IYD: variants seen among roughly 807,000 people sequenced by gnomAD.
IYD encodes the protein iodotyrosine deiodinase 1.
In IYD, 25 loss-of-function variants were observed where a neutral mutation model predicts 28.4. The ratio of observed to expected loss-of-function variants is 0.88; its 90% CI spans 0.64 to 1.23. IYD has a LOEUF of 1.23. Ranked by LOEUF, IYD falls within the 50% of genes most tolerant of loss-of-function variation. IYD has a pLI of 0.00. For synonymous variants in IYD, 140 were observed against 130.8 expected, an observed-to-expected ratio of 1.07 and a Z score of -0.48; for missense variants, 352 against 357.9, an observed-to-expected ratio of 0.98 and a Z score of 0.13.
chr6:150,386,304 A>G (rs1777859599), intron 1 of IYD, among the ~76,000 whole-genome samples: 1 of 152,012 alleles, frequency 6.6e-6, no homozygotes. Flanking sequence ...ATTTTTCAAT[A>G]TGTAATAATT....
chr6:150,369,109 C>T lies in IYD; in HGVS notation c.78C>T (p.Ser26=). 3 of 1,613,550 alleles carry T rather than the reference C, an allele frequency of 1.9e-6. No homozygotes were observed. Among genetic ancestry groups the T allele is most frequent in the Middle Eastern group, 1.6e-4 (1 of 6,062 alleles). The change falls in exon 1 of 5, where the codon AGC becomes AGT. Residue 26 remains serine (S), a synonymous_variant. Coordinates refer to ENST00000344419, the MANE Select transcript of IYD (RefSeq NM_203395.3). The stretch of plus-strand genomic sequence containing the variant: ...GGATCTTTAAAAATGCCGACAGAAG[C>T]ATGGAGAAAAAGAAGGGGGAGCCTA... ...VVWIFKNADR[S]MEKKKGEPRT... is the part of the protein sequence containing the mutation.
intron 2 of IYD, among the ~76,000 whole-genome samples, chr6:150,392,048 T>G (rs1255041662): frequency 2.0e-5 from 3 of 151,618 alleles, no homozygotes; most frequent in African/African-American, 7.3e-5. Context: ...AAAAAAAAAG[T>G]TTTTTTAAGA....
At position 150,403,495 on chromosome 6, in the gene IYD, G is replaced by A. The variant is rs1409742015; in HGVS notation, c.*5258G>A. On this transcript the variant is annotated 3_prime_UTR_variant, in exon 5 of 5. Transcript: ENST00000344419. ...GGGTGAATAGCAGAGAACTGGAGGT[G>A]GGAATGGTAAGGAACTCCCAGCAGG... The A allele has an allele frequency of 6.6e-6, 1 of 152,218 alleles. No homozygotes were observed. The allele number at this position is 152,218 out of a possible 1,614,324, so 9.4% of individuals were successfully genotyped here. A position where few individuals can be genotyped will look rare whatever the true frequency, so the allele number is the denominator to read the frequency against.
rs1433441283 is a variant in IYD, at chr6:150,401,867, A to G, written c.*3630A>G. Reference sequence around the variant, plus strand: ...TCTACTTTGCCAAGAGGGAATTTTTAACTCAAAGTTGTGTCAGCCAGCACG... The same window carrying G: ...TCTACTTTGCCAAGAGGGAATTTTTGACTCAAAGTTGTGTCAGCCAGCACG... On this transcript the variant is annotated 3_prime_UTR_variant, in exon 5 of 5. Transcript: ENST00000344419. The G allele has an allele frequency of 6.6e-6, 1 of 152,230 alleles. No individual in the cohort carries two copies. Among genetic ancestry groups the G allele is most frequent in the African/African-American group, 2.4e-5 (1 of 41,472 alleles). 9.4% of individuals were successfully genotyped at this position (152,230 alleles called of 1,614,324 possible).
rs369183464 is a variant in IYD, at chr6:150,373,493, C to A, written c.178+4284C>A. Among the ~76,000 whole-genome samples, 5 of 152,194 alleles carry A rather than the reference C, an allele frequency of 3.3e-5. No homozygotes were observed. The East Asian group carries it at 9.6e-4, about 29-fold the overall frequency. On this transcript the variant is annotated intron_variant, in intron 1 of 4. Coordinates refer to ENST00000344419, the MANE Select transcript of IYD (RefSeq NM_203395.3). ...TACAAATGATGTGTGCCACTTGCAG[C>A]TCTGAAAGTCCACCAGTGCCTGAAC...
chr6:150,389,485 G>A lies in IYD; in HGVS notation c.312G>A (p.Arg104=), dbSNP rs1380120058. Residue 104 remains arginine (R), a synonymous_variant, in exon 2 of 5, where the codon AGG becomes AGA. Coordinates refer to ENST00000344419, the MANE Select transcript of IYD (RefSeq NM_203395.3). ...TTCTCAATAAGAGACGGTCAGTCAGGTTCATAAGTAATGAGCAAGTCCCAA... is the reference window on the plus strand; with the variant it reads ...TTCTCAATAAGAGACGGTCAGTCAGATTCATAAGTAATGAGCAAGTCCCAA... ...YELLNKRRSV[R]FISNEQVPME... 1.2e-6 allele frequency: 2 copies of A among 1,614,076 alleles called. No homozygotes were observed. The highest frequency in any genetic ancestry group is 1.6e-4 in the Middle Eastern group (1 of 6,062).
intron 1 of IYD, among the ~76,000 whole-genome samples, chr6:150,382,146 T>C (rs1345929171): frequency 6.6e-6 from 1 of 152,070 alleles, no homozygotes; most frequent in Non-Finnish European, 1.5e-5. Flanking sequence ...ATCCCACCCC[T>C]CCCAGGATGG....
chr6:150,373,402 A>G (rs566627663), intron 1 of IYD, among the ~76,000 whole-genome samples: 1 of 152,280 alleles, frequency 6.6e-6, no homozygotes, highest in South Asian at 2.1e-4. Context: ...CCAGCCAACC[A>G]GGGGTGCACT....
At position 150,375,519 on chromosome 6, in the gene IYD, T is replaced by C. The variant is rs139387062; in HGVS notation, c.178+6310T>C. The stretch of plus-strand genomic sequence containing the variant: ...CTATCTCAAACAAAAGCCTTGTGAC[T>C]CTCATGTCAGAAATTCTATGCATAG... On this transcript the variant is annotated intron_variant, in intron 1 of 4. Coordinates refer to ENST00000344419, the MANE Select transcript of IYD (RefSeq NM_203395.3). Among the ~76,000 whole-genome samples the C allele has an allele frequency of 1.4e-3, 212 of 152,308 alleles. 1 individual carries two copies. Among genetic ancestry groups the C allele is most frequent in the African/African-American group, 4.8e-3 (200 of 41,562 alleles).
chr6:150,383,111 G>T (rs1777712004), intron 1 of IYD, among the ~76,000 whole-genome samples: 1 of 152,194 alleles, frequency 6.6e-6, no homozygotes, highest in African/African-American at 2.4e-5. Flanking sequence ...GTGCTTACAT[G>T]GTGTGACACT....
chr6:150,378,032 C>G (rs1449687646), intron 1 of IYD, among the ~76,000 whole-genome samples: 2 of 152,188 alleles, frequency 1.3e-5, no homozygotes, highest in African/African-American at 2.4e-5. Flanking sequence ...TCACTAAGAG[C>G]TATAAGCCAA....
chr6:150,369,162 T>G lies in IYD; in HGVS notation c.131T>G (p.Val44Gly). The stretch of plus-strand genomic sequence containing the variant: ...ACCAGGGCCGAAGCTCGCCCCTGGG[T>G]GGATGAAGACTTAAAAGACAGCAGT... ...PRTRAEARPWVDEDLKDSSDL... is the reference protein window; with the variant it reads ...PRTRAEARPWGDEDLKDSSDL... Residue 44 changes from valine to glycine, a missense_variant, in exon 1 of 5, where the codon GTG (valine) becomes GGG (glycine). Transcript: ENST00000344419. The G allele has an allele frequency of 6.2e-7, 1 of 1,613,536 alleles. No individual in the cohort carries two copies. Among genetic ancestry groups the G allele is most frequent in the Non-Finnish European group, 8.5e-7 (1 of 1,179,958 alleles).
chr6:150,370,010 C>T, intron 1 of IYD: 1 of 701,952 alleles, frequency 1.4e-6, no homozygotes, highest in Non-Finnish European at 2.6e-6. Context: ...ATGAAGGAGG[C>T]AGGTAGGAAG....
Position 150,378,073 on chromosome 6 carries a change from T to C in IYD, c.178+8864T>C, listed in dbSNP as rs1033398192. ...GCGCCTGCTAACGTTGTTATTGGTG[T>C]TCCTCAGAAGGTGAATTCTCTACCT... On this transcript the variant is annotated intron_variant, in intron 1 of 4. Transcript: ENST00000344419. Among the ~76,000 whole-genome samples the C allele has an allele frequency of 2.6e-5, 4 of 152,176 alleles. 1 individual carries two copies. The highest frequency in any genetic ancestry group is 1.9e-4 in the East Asian group (1 of 5,202).
chr6:150,398,418 A>G lies in IYD; in HGVS notation c.*181A>G, dbSNP rs886061169. On this transcript the variant is annotated 3_prime_UTR_variant, in exon 5 of 5. Coordinates refer to ENST00000344419, the MANE Select transcript of IYD (RefSeq NM_203395.3). ...CACACTCTGTGGCACTTCCAGTCCC[A>G]TAAATCCTGTTTCTTATCCACTTTG... 2.3e-5 allele frequency: 14 copies of G among 605,788 alleles called. No individual in the cohort carries two copies. In the East Asian group the frequency reaches 3.6e-4, roughly 16 times the overall value. The allele number at this position is 605,788 out of a possible 1,614,324, so 37.5% of individuals were successfully genotyped here. A position where few individuals can be genotyped will look rare whatever the true frequency, so the allele number is the denominator to read the frequency against.
At chr6:150,397,165 CAT>C (rs752647362) in intron 4 of IYD, among the ~76,000 whole-genome samples, 2 of 151,950 alleles carry the variant, frequency 1.3e-5, no homozygotes, top group East Asian at 3.9e-4. Flanking sequence ...TATATGGGTT[CAT>C]ATATATATGG....
intron 1 of IYD, among the ~76,000 whole-genome samples, chr6:150,374,817 T>G (rs1221837864): frequency 6.6e-6 from 1 of 152,186 alleles, no homozygotes; most frequent in East Asian, 1.9e-4. Context: ...GAATGCTCCT[T>G]TCCTCTGGGT....
In IYD at chr6:150,397,213, A is replaced by C. The variant is rs572674828; in HGVS notation, c.688-842A>C. ...ATATATGGGTTCAAATGCCAATATTAGAGTTATTGATAACAAATCATAGAT... is the reference window on the plus strand; with the variant it reads ...ATATATGGGTTCAAATGCCAATATTCGAGTTATTGATAACAAATCATAGAT... On this transcript the variant is annotated intron_variant, in intron 4 of 4. Coordinates refer to ENST00000344419, the MANE Select transcript of IYD (RefSeq NM_203395.3). Among the ~76,000 whole-genome samples the C allele has an allele frequency of 1.8e-3, 268 of 152,296 alleles. No homozygotes were observed. The Middle Eastern group carries it at 0.02, about 12-fold the overall frequency.
intron 4 of IYD, 73 bp from the exon 5 acceptor site, chr6:150,397,982 G>T: frequency 1.4e-6 from 2 of 1,415,532 alleles, no homozygotes; most frequent in South Asian, 2.3e-5. Context: ...AGGACAAGAA[G>T]GTCCCCAGGT....
Sources: allele counts gnomAD v4.1 joint callset (sites outside exome capture counted in the v4.1 genomes callset), GRCh38; gene constraint gnomAD v4.1.1; transcripts MANE v1.5; gene names NCBI Gene and HGNC (gene_info 2026-07-23, HGNC 2026-07-21).